The following B3GNT2 variants were observed in gnomAD, a reference collection of about 807,000 sequenced individuals.
B3GNT2 encodes N-acetyllactosaminide beta-1,3-N-acetylglucosaminyltransferase 2.
In B3GNT2, 12 loss-of-function variants were observed where a neutral mutation model predicts 27.6. That is an observed-to-expected ratio of 0.44 (90% CI 0.28 to 0.71). The LOEUF is 0.71. Among genes scored for constraint, B3GNT2 ranks in the 30% least tolerant of loss-of-function variants. The pLI is 0.17. For missense variants in B3GNT2, 413 were observed against 488.5 expected (o/e 0.85, Z 1.46); for synonymous variants, 192 against 189.7 (o/e 1.01, Z -0.10).
chr2:62,220,139 C>G (rs1396166636), intron 1 of B3GNT2, among the ~76,000 whole-genome samples: 1 of 152,258 alleles, frequency 6.6e-6, no homozygotes, highest in Non-Finnish European at 1.5e-5. Flanking sequence ...TTAGCCTCAG[C>G]CCCCTGAACA....
At position 62,222,462 on chromosome 2, in the gene B3GNT2, C is replaced by G. The variant is rs767688621; in HGVS notation, c.242C>G (p.Thr81Arg). The G allele has an allele frequency of 3.7e-6, 6 of 1,613,944 alleles. No individual in the cohort carries two copies. Among genetic ancestry groups the G allele is most frequent in the Non-Finnish European group, 5.1e-6 (6 of 1,180,008 alleles). The stretch of plus-strand genomic sequence containing the variant: ...ATCCTGAGCATGCTGACCAACCAGA[C>G]GGGGGAGGCGGGCAGGCTCTCCAAT... ...NPILSMLTNQ[T>R]GEAGRLSNIS... Residue 81 changes from threonine to arginine, a missense_variant, in exon 2 of 2, where the codon ACG (threonine) becomes AGG (arginine). Thr to Arg is a moderately conservative substitution (Grantham distance 71). Transcript: ENST00000301998. This position sits in a 1 kb window ranked among gnomAD's most constrained non-coding sequence, Gnocchi z 4.2.
At chr2:62,219,028 A>G (rs574673109) in intron 1 of B3GNT2, among the ~76,000 whole-genome samples, 1 of 152,376 alleles carries the variant, frequency 6.6e-6, no homozygotes, top group East Asian at 1.9e-4. Flanking sequence ...TTTCCGTGAT[A>G]GAGGCTTCAA....
intron 1 of B3GNT2, among the ~76,000 whole-genome samples, chr2:62,208,961 T>G (rs1031708023): frequency 6.6e-6 from 1 of 151,844 alleles, no homozygotes; most frequent in Admixed American, 6.6e-5. Flanking sequence ...GTGGGGGCAG[T>G]GGGGTGGGAG....
intron 1 of B3GNT2, among the ~76,000 whole-genome samples, chr2:62,216,002 C>T (rs754301271): frequency 2.0e-5 from 3 of 152,200 alleles, no homozygotes; most frequent in East Asian, 1.9e-4. Context: ...ACGTATTGCT[C>T]GTTCTGTCCC....
At chr2:62,216,743 A>G (rs1298974556) in intron 1 of B3GNT2, among the ~76,000 whole-genome samples, 1 of 152,172 alleles carries the variant, frequency 6.6e-6, no homozygotes, top group Non-Finnish European at 1.5e-5. Context: ...CAGTAGGAAA[A>G]TGGGCGCCCT....
intron 1 of B3GNT2, among the ~76,000 whole-genome samples, chr2:62,197,656 TAAAAC>T (rs1674179732): frequency 1.3e-5 from 2 of 152,250 alleles, no homozygotes; most frequent in African/African-American, 2.4e-5. Context: ...TTCTACTTGT[TAAAAC>T]AAATTCTTCC....
chr2:62,211,366 C>T (rs549370266), intron 1 of B3GNT2, among the ~76,000 whole-genome samples: 2 of 152,056 alleles, frequency 1.3e-5, no homozygotes, highest in East Asian at 1.9e-4. Flanking sequence ...CCCCGTCCCC[C>T]CCAAAAAAAT....
intron 1 of B3GNT2, among the ~76,000 whole-genome samples, chr2:62,213,732 G>C (rs1159305652): frequency 6.6e-6 from 1 of 152,052 alleles, no homozygotes; most frequent in Non-Finnish European, 1.5e-5. Flanking sequence ...AAATTTTTCT[G>C]TTACCCTTTA....
chr2:62,219,914 A>C (rs1324432591), intron 1 of B3GNT2, among the ~76,000 whole-genome samples: 1 of 152,176 alleles, frequency 6.6e-6, no homozygotes, highest in African/African-American at 2.4e-5. Flanking sequence ...GGGGGGAGTC[A>C]TGAGTCTCTA....
chr2:62,223,157 G>T lies in B3GNT2; in HGVS notation c.937G>T (p.Gly313Cys). 6.2e-7 allele frequency: 1 copy of T among 1,614,112 alleles called. No homozygotes were observed. Among genetic ancestry groups the T allele is most frequent in the Non-Finnish European group, 8.5e-7 (1 of 1,180,004 alleles). The change falls in exon 2 of 2, where the codon GGC becomes TGC. Residue 313 changes from glycine (G) to cysteine (C), a missense_variant. Transcript: ENST00000301998. ...AGGGGGAGGGGGGTTCCTCTACTCC[G>T]GCCACCTGGCCCTGAGGCTGTACCA... ...YAGGGGFLYS[G>C]HLALRLYHIT... is the part of the protein sequence containing the mutation.
rs138770336 is a variant in B3GNT2 at position 62,202,488 on chromosome 2, G to T, written c.-10+6133G>T. On this transcript the variant is annotated intron_variant, in intron 1 of 1. Coordinates refer to ENST00000301998, the MANE Select transcript of B3GNT2 (RefSeq NM_006577.6). ...TAATAGGCCATGATGCAATCTCGGG[G>T]ATCATGCAGAGATGTGGCAGTTAAT... 5.0e-3 allele frequency among the ~76,000 whole-genome samples: 758 copies of T among 152,292 alleles called. 5 individuals are homozygous for T. The highest frequency in any genetic ancestry group is 0.017 in the African/African-American group (708 of 41,554).
At chr2:62,214,508 G>T (rs1000461524) in intron 1 of B3GNT2, among the ~76,000 whole-genome samples, 1 of 152,222 alleles carries the variant, frequency 6.6e-6, no homozygotes, top group African/African-American at 2.4e-5. Flanking sequence ...TGCAAGGCAT[G>T]TGGAAGCTAA....
intron 1 of B3GNT2, among the ~76,000 whole-genome samples, chr2:62,206,661 A>G (rs1674381787): frequency 6.6e-6 from 1 of 152,188 alleles, no homozygotes; most frequent in Non-Finnish European, 1.5e-5. Context: ...AAGCACTGGG[A>G]TTACAGGTGT....
chr2:62,206,541 C>T (rs193186237), intron 1 of B3GNT2, among the ~76,000 whole-genome samples: 1 of 152,094 alleles, frequency 6.6e-6, no homozygotes, highest in African/African-American at 2.4e-5. Context: ...AGTGTTAGAC[C>T]ATGCACTTTA....
intron 1 of B3GNT2, among the ~76,000 whole-genome samples, chr2:62,220,223 C>A (rs969657302): frequency 6.6e-6 from 1 of 152,186 alleles, no homozygotes; most frequent in African/African-American, 2.4e-5. Flanking sequence ...AAATTTCTCC[C>A]GTGGTTAGCT....
chr2:62,223,471 G>T lies in B3GNT2; in HGVS notation c.*57G>T, dbSNP rs1306545373. 11 of 1,400,452 alleles carry T rather than the reference G, an allele frequency of 7.9e-6. No individual in the cohort carries two copies. The allele number at this position is 1,400,452 out of a possible 1,614,324, so 86.8% of individuals were successfully genotyped here. A position where few individuals can be genotyped will look rare whatever the true frequency, so the allele number is the denominator to read the frequency against. ...GTGTATTTTGAATAGTTCCCATGTT[G>T]TGTTCTCACATTAGAGTAATTTCTA... On this transcript the variant is annotated 3_prime_UTR_variant, in exon 2 of 2. Transcript: ENST00000301998.
chr2:62,205,410 G>C (rs1410792443), intron 1 of B3GNT2, among the ~76,000 whole-genome samples: 1 of 152,206 alleles, frequency 6.6e-6, no homozygotes, highest in East Asian at 1.9e-4. Context: ...AAAGGCCAAA[G>C]TGTTACTTTT....
intron 1 of B3GNT2, among the ~76,000 whole-genome samples, chr2:62,217,657 T>A (rs1224716229): frequency 6.6e-6 from 1 of 152,208 alleles, no homozygotes; most frequent in Non-Finnish European, 1.5e-5. Context: ...CGCATGGGGC[T>A]GTGTGCTGTA....
chr2:62,217,377 C>G (rs984680417), intron 1 of B3GNT2, among the ~76,000 whole-genome samples: 2 of 152,162 alleles, frequency 1.3e-5, no homozygotes, highest in Non-Finnish European at 2.9e-5. Context: ...CCACCCACCC[C>G]GTGCCCCCTA....
Sources: allele counts gnomAD v4.1 joint callset (sites outside exome capture counted in the v4.1 genomes callset), GRCh38; gene constraint gnomAD v4.1.1; non-coding constraint Gnocchi (gnomAD v3.1); transcripts MANE v1.5; gene names NCBI Gene and HGNC (gene_info 2026-07-23, HGNC 2026-07-21).